Variants in ABI3 observed in about 807,000 individuals in gnomAD.
ABI3 encodes the protein ABI family member 3, also known as ABI gene family member 3.
A neutral mutation model predicts 37.0 loss-of-function variants in ABI3; 24 were observed. That is an observed-to-expected ratio of 0.65 (90% CI 0.47 to 0.91). The LOEUF (loss-of-function observed/expected upper bound fraction) is 0.91, where lower values mean the gene tolerates loss of function less well. Among genes scored for constraint, ABI3 ranks in the 40% least tolerant of loss-of-function variants. The pLI, the probability that ABI3 is intolerant of heterozygous loss-of-function variation, is 0.00. For missense variants in ABI3, 481 were observed against 485.1 expected (o/e 0.99, Z 0.08); for synonymous variants, 220 against 211.8 (o/e 1.04, Z -0.34).
Position 49,222,619 on chromosome 17 carries a change from C to G in ABI3, c.1005C>G (p.Ile335Met). 1 of 1,614,074 alleles carries G rather than the reference C, an allele frequency of 6.2e-7. No homozygotes were observed. Among genetic ancestry groups the G allele is most frequent in the South Asian group, 1.1e-5 (1 of 91,078 alleles). Residue 335 changes from isoleucine to methionine, a missense_variant, in exon 8 of 8, where the codon ATC becomes ATG. By Grantham distance (10) the Ile-to-Met change is conservative (BLOSUM62 1). Transcript: ENST00000225941. ...TCTCCTTCTCTGAGGGCACTGTCAT[C>G]TGTGTCACTCGCCGCTACTCCGATG... is the stretch of plus-strand genomic sequence containing the variant. ...NELSFSEGTV[I>M]CVTRRYSDGW...
At position 49,222,476 on chromosome 17, in the gene ABI3, T is replaced by C. The variant is rs974899162; in HGVS notation, c.938-76T>C. The stretch of plus-strand genomic sequence containing the variant: ...AGAGTCTAGTACTTGAGACCGTGCA[T>C]CCCCATGGTGGTGGGGGGTGAGGGG... On this transcript the variant is annotated intron_variant, in intron 7 of 7. Transcript: ENST00000225941. 57 of 1,534,258 alleles carry C rather than the reference T, an allele frequency of 3.7e-5. 1 individual carries two copies. Among genetic ancestry groups the C allele is most frequent in the Non-Finnish European group, 4.5e-5 (51 of 1,121,740 alleles).
Position 49,219,498 on chromosome 17 carries a change from C to T in ABI3, c.463-42C>T. On this transcript the variant is annotated intron_variant, in intron 3 of 7. Transcript: ENST00000225941. This position sits in a 1 kb window ranked among gnomAD's most constrained non-coding sequence, Gnocchi z 4.3. ...CTTGGGGATGAGGGTGGAGGGAGGC[C>T]CCTCACCCCAAATGTAAGCCCTACC... The T allele has an allele frequency of 7.3e-6, 11 of 1,516,178 alleles. No individual in the cohort carries two copies. Among genetic ancestry groups the T allele is most frequent in the South Asian group, 1.2e-5 (1 of 82,988 alleles). The allele number at this position is 1,516,178 out of a possible 1,614,324, so 93.9% of individuals were successfully genotyped here. A position where few individuals can be genotyped will look rare whatever the true frequency, so the allele number is the denominator to read the frequency against.
intron 3 of ABI3, among the ~76,000 whole-genome samples, chr17:49,218,712 T>A (rs2043247125): frequency 6.6e-6 from 1 of 151,412 alleles, no homozygotes; most frequent in Non-Finnish European, 1.5e-5. Context: ...CAAGTGATTC[T>A]CCTGCCTCAG....
chr17:49,216,803 T>C (rs2043223502), intron 2 of ABI3, 105 bp downstream of exon 2: 4 of 1,275,832 alleles, frequency 3.1e-6, no homozygotes, highest in Non-Finnish European at 3.1e-6. Context: ...TTCCTCCATG[T>C]CCAAATGCCC....
chr17:49,216,706 G>T lies in ABI3; in HGVS notation c.285+8G>T. Reference sequence around the variant, plus strand: ...GTAAGCACGCTGGGCCAGGTAAGGGGCGTGGGGCGTGGGAAGGCATCTTGT... The same window carrying T: ...GTAAGCACGCTGGGCCAGGTAAGGGTCGTGGGGCGTGGGAAGGCATCTTGT... On this transcript the variant is annotated splice_region_variant and intron_variant, in intron 2 of 7. Coordinates refer to ENST00000225941, the MANE Select transcript of ABI3 (RefSeq NM_016428.3). 6.7e-7 allele frequency: 1 copy of T among 1,496,866 alleles called. No homozygotes were observed. Among genetic ancestry groups the T allele is most frequent in the Non-Finnish European group, 8.9e-7 (1 of 1,120,356 alleles). 92.7% of individuals were successfully genotyped at this position (1,496,866 alleles called of 1,614,324 possible). A position where few individuals can be genotyped will look rare whatever the true frequency, so the allele number is the denominator to read the frequency against.
chr17:49,217,609 G>T, intron 2 of ABI3, 130 bp from the exon 3 acceptor site: 2 of 762,742 alleles, frequency 2.6e-6, no homozygotes, highest in Admixed American at 8.0e-5. Context: ...GGGGGGCGGG[G>T]GGCAGGGCCC....
In ABI3 at chr17:49,222,720, C is replaced by T. The variant is rs1428251065; in HGVS notation, c.*5C>T. 2 of 1,556,526 alleles carry T rather than the reference C, an allele frequency of 1.3e-6. No homozygotes were observed. Among genetic ancestry groups the T allele is most frequent in the Non-Finnish European group, 8.7e-7 (1 of 1,151,114 alleles). On this transcript the variant is annotated 3_prime_UTR_variant, in exon 8 of 8. Transcript: ENST00000225941. ...TATGTGGAGCCCAGCTGCTGACAGC[C>T]CAGGGCTCTCTGGGCAGCTGATGTC... is the stretch of plus-strand genomic sequence containing the variant.
Position 49,222,614 on chromosome 17 carries a change from G to A in ABI3, c.1000G>A (p.Val334Ile). ...TGAGCTCTCCTTCTCTGAGGGCACT[G>A]TCATCTGTGTCACTCGCCGCTACTC... ...DNELSFSEGT[V>I]ICVTRRYSDG... Residue 334 changes from valine (V) to isoleucine (I), a missense_variant, in exon 8 of 8, where the codon GTC becomes ATC. Physicochemically the swap from Val to Ile is conservative, Grantham distance 29. Coordinates refer to ENST00000225941, the MANE Select transcript of ABI3 (RefSeq NM_016428.3). 1 of 1,614,014 alleles carries A rather than the reference G, an allele frequency of 6.2e-7. No homozygotes were observed. Among genetic ancestry groups the A allele is most frequent in the Non-Finnish European group, 8.5e-7 (1 of 1,180,026 alleles).
At chr17:49,216,019 G>A (rs1312820100) in intron 1 of ABI3, among the ~76,000 whole-genome samples, 3 of 151,638 alleles carry the variant, frequency 2.0e-5, no homozygotes, top group African/African-American at 4.8e-5. Flanking sequence ...GCTGAGGCAG[G>A]AGAATCGCTT....
In ABI3 at chr17:49,214,857, G is replaced by C. The variant is rs538066191; in HGVS notation, c.118-1674G>C. Among the ~76,000 whole-genome samples the C allele has an allele frequency of 7.9e-5, 12 of 152,300 alleles. No individual in the cohort carries two copies. The South Asian group carries it at 2.3e-3, about 29-fold the overall frequency. On this transcript the variant is annotated intron_variant, in intron 1 of 7. Coordinates refer to ENST00000225941, the MANE Select transcript of ABI3 (RefSeq NM_016428.3). ...CCAGAGAATGTTTGGGTTCCCATTC[G>C]ACCTGCTAATTAACTCACGAGTGCA...
chr17:49,217,297 C>G (rs752622611), intron 2 of ABI3, among the ~76,000 whole-genome samples: 1 of 152,200 alleles, frequency 6.6e-6, no homozygotes, highest in East Asian at 1.9e-4. Context: ...CCCACCCTTT[C>G]GAACTGTAGG....
intron 6 of ABI3, 48 bp downstream of exon 6, chr17:49,220,374 C>A: frequency 6.6e-7 from 1 of 1,522,756 alleles, no homozygotes; most frequent in Non-Finnish European, 8.8e-7. Context: ...CGCTTTTCTG[C>A]CTCCTGCCAC....
intron 2 of ABI3, 35 bp downstream of exon 2, chr17:49,216,733 T>C: frequency 1.4e-6 from 2 of 1,446,476 alleles, no homozygotes; most frequent in Non-Finnish European, 1.8e-6. Flanking sequence ...GCATCTTGTG[T>C]CAGGCCTCAA....
chr17:49,221,258 CAGG>C (rs1351547252), intron 6 of ABI3, among the ~76,000 whole-genome samples: 1 of 151,880 alleles, frequency 6.6e-6, no homozygotes, highest in African/African-American at 2.4e-5. Context: ...ATCACGAGGT[CAGG>C]AGATCGAGAC....
chr17:49,212,107 A>G (rs1221615200), intron 1 of ABI3, among the ~76,000 whole-genome samples: 1 of 152,114 alleles, frequency 6.6e-6, no homozygotes, highest in Non-Finnish European at 1.5e-5. Context: ...GCATGCCACC[A>G]TGCCTGGCTA....
In ABI3 at chr17:49,219,698, C is replaced by T. The variant is rs1280461925; in HGVS notation, c.548+73C>T. The T allele has an allele frequency of 1.4e-6, 2 of 1,467,174 alleles. No individual in the cohort carries two copies. The highest frequency in any genetic ancestry group is 2.0e-5 in the Admixed American group (1 of 50,252). 90.9% of individuals were successfully genotyped at this position (1,467,174 alleles called of 1,614,324 possible). A position where few individuals can be genotyped will look rare whatever the true frequency, so the allele number is the denominator to read the frequency against. On this transcript the variant is annotated intron_variant, in intron 4 of 7. Transcript: ENST00000225941. This position sits in a 1 kb window ranked among gnomAD's most constrained non-coding sequence, Gnocchi z 4.3. ...CCCTGAAACTCTCCTCCCCCAGCCT[C>T]GCCACCCACCCCTGGCGCCCCCGGG... is the stretch of plus-strand genomic sequence containing the variant.
At chr17:49,211,377 A>T (rs2043166125) in intron 1 of ABI3, among the ~76,000 whole-genome samples, 2 of 152,188 alleles carry the variant, frequency 1.3e-5, no homozygotes. Context: ...TGGCCCACAT[A>T]ACTGCTGGGA....
intron 1 of ABI3, among the ~76,000 whole-genome samples, chr17:49,212,351 G>A (rs1238535587): frequency 1.3e-5 from 2 of 152,102 alleles, no homozygotes; most frequent in Non-Finnish European, 2.9e-5. Context: ...CTCTGTCCCC[G>A]GTTTCCTCTG....
At chr17:49,216,113 GAA>G (rs35665132) in intron 1 of ABI3, among the ~76,000 whole-genome samples, 139 of 125,248 alleles carry the variant, frequency 1.1e-3, no homozygotes, top group African/African-American at 2.3e-3. Context: ...CTCCATCTCA[GAA>G]AAAAAAAAAA....
Sources: allele counts gnomAD v4.1 joint callset (sites outside exome capture counted in the v4.1 genomes callset), GRCh38; gene constraint gnomAD v4.1.1; non-coding constraint Gnocchi (gnomAD v3.1); transcripts MANE v1.5; gene names NCBI Gene and HGNC (gene_info 2026-07-23, HGNC 2026-07-21).